Variants in USP6NL observed in about 807,000 individuals in gnomAD.
USP6NL encodes USP6 N-terminal like.
A neutral mutation model predicts 61.9 loss-of-function variants in USP6NL; 26 were observed. The ratio of observed to expected loss-of-function variants is 0.42; its 90% CI spans 0.31 to 0.58. The LOEUF (loss-of-function observed/expected upper bound fraction) is 0.58, where lower values mean the gene tolerates loss of function less well. USP6NL is among the 20% of genes least tolerant of loss of function. The pLI, the probability that USP6NL is intolerant of heterozygous loss-of-function variation, is 0.16. For synonymous variants in USP6NL, 432 were observed against 390.1 expected, an observed-to-expected ratio of 1.11 and a Z score of -1.27; for missense variants, 1,114 against 1,034.3, an observed-to-expected ratio of 1.08 and a Z score of -1.06.
intron 2 of USP6NL, among the ~76,000 whole-genome samples, chr10:11,557,990 G>A (rs1263381292): frequency 6.6e-6 from 1 of 152,224 alleles, no homozygotes; most frequent in African/African-American, 2.4e-5. Flanking sequence ...AGTGAATGAA[G>A]TATACAGTAT....
Position 11,540,655 on chromosome 10 carries a change from C to A in USP6NL, c.5-13088G>T, listed in dbSNP as rs138042584. 3.2e-3 allele frequency among the ~76,000 whole-genome samples: 492 copies of A among 152,232 alleles called. 2 individuals are homozygous for A. Among genetic ancestry groups the A allele is most frequent in the African/African-American group, 0.011 (451 of 41,542 alleles). ...ATATAAGAAGATAATTCATAGACTG[C>A]CCACTCTGATGCTTAATAACTAATT... On this transcript the variant is annotated intron_variant, in intron 2 of 14. Transcript: ENST00000609104. This position sits in a 1 kb window ranked among gnomAD's most constrained non-coding sequence, Gnocchi z 5.0.
At position 11,499,527 on chromosome 10, in the gene USP6NL, G is replaced by T. The variant is rs1229039042; in HGVS notation, c.384+1574C>A. Among the ~76,000 whole-genome samples, 1 of 152,190 alleles carries T rather than the reference G, an allele frequency of 6.6e-6. No individual in the cohort carries two copies. Among genetic ancestry groups the T allele is most frequent in the Non-Finnish European group, 1.5e-5 (1 of 68,042 alleles). ...ATCTGGAAATGGGGCCTCTGCCGGG[G>T]TAATCAAGTTAGGATGAGGTCATCC... On this transcript the variant is annotated intron_variant, in intron 7 of 14. Transcript: ENST00000609104. The surrounding 1 kb of genome is among the most constrained non-coding windows in gnomAD (Gnocchi z 4.5).
At chr10:11,601,420 T>C (rs994036964) in intron 1 of USP6NL, among the ~76,000 whole-genome samples, 9 of 152,056 alleles carry the variant, frequency 5.9e-5, no homozygotes, top group African/African-American at 2.2e-4. Flanking sequence ...AGGATGGAGG[T>C]AGACAGAGGT....
At chr10:11,558,350 G>T (rs1431490507) in intron 2 of USP6NL, among the ~76,000 whole-genome samples, 1 of 152,124 alleles carries the variant, frequency 6.6e-6, no homozygotes, top group Non-Finnish European at 1.5e-5. Context: ...TACTAAAAAG[G>T]GTTCCTCCAG....
rs1838086797 is a variant in USP6NL at position 11,589,424 on chromosome 10, T to C, written c.4+8207A>G. Among the ~76,000 whole-genome samples the C allele has an allele frequency of 6.6e-6, 1 of 152,184 alleles. No homozygotes were observed. Among genetic ancestry groups the C allele is most frequent in the Non-Finnish European group, 1.5e-5 (1 of 68,032 alleles). On this transcript the variant is annotated intron_variant, in intron 2 of 14. Coordinates refer to ENST00000609104, the MANE Select transcript of USP6NL (RefSeq NM_014688.5). This position sits in a 1 kb window ranked among gnomAD's most constrained non-coding sequence, Gnocchi z 4.7. The stretch of plus-strand genomic sequence containing the variant: ...AATCCAGAACACTTCACACATGACC[T>C]ACATCTACATATCATAGAAAGACAA...
Position 11,481,745 on chromosome 10 carries a change from T to C in USP6NL, c.1078+25A>G. The C allele has an allele frequency of 7.6e-6, 12 of 1,578,086 alleles. No homozygotes were observed. Among genetic ancestry groups the C allele is most frequent in the Non-Finnish European group, 9.4e-6 (11 of 1,166,548 alleles). Reference sequence around the variant, plus strand: ...CTTCCAATCTTAATTATAACGTAGATATAAAGTATTGGGGTAATTCTTACC... The same window carrying C: ...CTTCCAATCTTAATTATAACGTAGACATAAAGTATTGGGGTAATTCTTACC... On this transcript the variant is annotated intron_variant, in intron 14 of 14. Coordinates refer to ENST00000609104, the MANE Select transcript of USP6NL (RefSeq NM_014688.5). The surrounding 1 kb of genome is among the most constrained non-coding windows in gnomAD (Gnocchi z 4.4).
In USP6NL at chr10:11,562,380, CA is replaced by C; in HGVS notation, c.5-34814del. 1 of 985,408 alleles carries C rather than the reference CA, an allele frequency of 1.0e-6. No individual in the cohort carries two copies. Among genetic ancestry groups the C allele is most frequent in the Non-Finnish European group, 1.2e-6 (1 of 829,922 alleles). The allele number at this position is 985,408 out of a possible 1,614,324, so 61.0% of individuals were successfully genotyped here. A position where few individuals can be genotyped will look rare whatever the true frequency, so the allele number is the denominator to read the frequency against. ...TTTGCATTCCTTACACAGGTGACAC[CA>C]ACTTCAGATTTCCCCTTTTCCTTTT... On this transcript the variant is annotated intron_variant, in intron 2 of 14. Coordinates refer to ENST00000609104, the MANE Select transcript of USP6NL (RefSeq NM_014688.5). This position sits in a 1 kb window ranked among gnomAD's most constrained non-coding sequence, Gnocchi z 4.8.
Position 11,591,803 on chromosome 10 carries a change from A to G in USP6NL, c.4+5828T>C, listed in dbSNP as rs893124318. 7.2e-5 allele frequency among the ~76,000 whole-genome samples: 11 copies of G among 152,234 alleles called. No individual in the cohort carries two copies. Among genetic ancestry groups the G allele is most frequent in the African/African-American group, 2.7e-4 (11 of 41,464 alleles). ...AAAAGAATGTAAACCACCTCCCAAA[A>G]AATTTTTAACTTAAATATATAAGAC... On this transcript the variant is annotated intron_variant, in intron 2 of 14. Coordinates refer to ENST00000609104, the MANE Select transcript of USP6NL (RefSeq NM_014688.5). This position sits in a 1 kb window ranked among gnomAD's most constrained non-coding sequence, Gnocchi z 4.7.
rs1026983381 is a variant in USP6NL, at chr10:11,495,196, C to T, written c.385-1968G>A. ...TCTTCTGGTCACTTCTCACTGTGTC[C>T]CCTCAGCTCCTATCTCTGTATGGCC... is the stretch of plus-strand genomic sequence containing the variant. On this transcript the variant is annotated intron_variant, in intron 7 of 14. Transcript: ENST00000609104. The surrounding 1 kb of genome is among the most constrained non-coding windows in gnomAD (Gnocchi z 4.6). Among the ~76,000 whole-genome samples, 5 of 152,188 alleles carry T rather than the reference C, an allele frequency of 3.3e-5. No individual in the cohort carries two copies. Among genetic ancestry groups the T allele is most frequent in the Non-Finnish European group, 4.4e-5 (3 of 68,022 alleles).
intron 7 of USP6NL, among the ~76,000 whole-genome samples, chr10:11,497,112 T>TTTTTG (rs1325634631): frequency 2.6e-3 from 340 of 129,986 alleles, no homozygotes; most frequent in African/African-American, 9.1e-3. Flanking sequence ...TTTTTTTTTT[T>TTTTTG]TAAGATAATG....
chr10:11,590,274 G>C (rs929265652), intron 2 of USP6NL, among the ~76,000 whole-genome samples: 1 of 152,152 alleles, frequency 6.6e-6, no homozygotes, highest in Non-Finnish European at 1.5e-5. Context: ...GATCAATTCT[G>C]AGGAAGAAAG....
Position 11,476,551 on chromosome 10 carries a change from T to A in USP6NL, c.1078+5219A>T, listed in dbSNP as rs199951853. ...AAGGTACAAAAATGCTAACAATAGT[T>A]AAATCTATGAGGTGGGCATATGGGT... is the stretch of plus-strand genomic sequence containing the variant. On this transcript the variant is annotated intron_variant, in intron 14 of 14. Transcript: ENST00000609104. This position sits in a 1 kb window ranked among gnomAD's most constrained non-coding sequence, Gnocchi z 4.3. Among the ~76,000 whole-genome samples, 12 of 152,300 alleles carry A rather than the reference T, an allele frequency of 7.9e-5. No homozygotes were observed. The East Asian group carries it at 1.9e-3, about 24-fold the overall frequency.
chr10:11,508,811 T>C (rs1371558096), intron 6 of USP6NL, among the ~76,000 whole-genome samples: 1 of 152,224 alleles, frequency 6.6e-6, no homozygotes, highest in East Asian at 1.9e-4. Context: ...CCACTGTTAT[T>C]ACTTGAAAGA....
chr10:11,606,022 T>C (rs1838696244), intron 1 of USP6NL, among the ~76,000 whole-genome samples: 1 of 151,944 alleles, frequency 6.6e-6, no homozygotes, highest in Admixed American at 6.6e-5. Flanking sequence ...AAATGCCCCA[T>C]ATATCTCAAA....
rs746035168 is a variant in USP6NL, at chr10:11,462,423, G to A, written c.*18C>T. 6.2e-7 allele frequency: 1 copy of A among 1,605,062 alleles called. No individual in the cohort carries two copies. The highest frequency in any genetic ancestry group is 2.2e-5 in the East Asian group (1 of 44,782). On this transcript the variant is annotated 3_prime_UTR_variant, in exon 15 of 15. Transcript: ENST00000609104. ...TCACGTGGTTTCTCTCTCGTCTTTAGCAAGTACACGTCAAATCTCACAGCA... is the reference window on the plus strand; with the variant it reads ...TCACGTGGTTTCTCTCTCGTCTTTAACAAGTACACGTCAAATCTCACAGCA...
At chr10:11,514,119 C>G (rs1834849946) in intron 5 of USP6NL, among the ~76,000 whole-genome samples, 1 of 152,276 alleles carries the variant, frequency 6.6e-6, no homozygotes, top group Non-Finnish European at 1.5e-5. Context: ...TAGAGAAATT[C>G]CCTTTTGTAA....
At chr10:11,488,890 T>C (rs1833590356) in intron 10 of USP6NL, among the ~76,000 whole-genome samples, 1 of 152,180 alleles carries the variant, frequency 6.6e-6, no homozygotes, top group Admixed American at 6.5e-5. Context: ...CAATATACCT[T>C]GGAGTAAAGA....
At chr10:11,581,874 T>A (rs529300826) in intron 2 of USP6NL, among the ~76,000 whole-genome samples, 1 of 152,158 alleles carries the variant, frequency 6.6e-6, no homozygotes, top group Non-Finnish European at 1.5e-5. Flanking sequence ...CAGGTTCACA[T>A]GATTCTCCCT....
At chr10:11,577,025 C>T (rs1837572249) in intron 2 of USP6NL, among the ~76,000 whole-genome samples, 1 of 151,492 alleles carries the variant, frequency 6.6e-6, no homozygotes, top group Non-Finnish European at 1.5e-5. Flanking sequence ...CTCCTAAAAT[C>T]CTTTTTTAAA....
Sources: gnomAD v4.1 joint callset for allele counts (sites outside exome capture counted in the v4.1 genomes callset) on GRCh38, gnomAD v4.1.1 for gene constraint, Gnocchi (gnomAD v3.1) non-coding constraint, MANE v1.5 for transcripts, NCBI Gene and HGNC (gene_info 2026-07-23, HGNC 2026-07-21) for gene names.